The following LRRC37B variants were observed in gnomAD, a reference collection of about 807,000 sequenced individuals.
LRRC37B encodes the protein leucine rich repeat containing 37B.
A neutral mutation model predicts 98.3 loss-of-function variants in LRRC37B; 28 were observed. That is an observed-to-expected ratio of 0.28 (90% confidence interval 0.21 to 0.39). The LOEUF (loss-of-function observed/expected upper bound fraction) is 0.39. Ranked by LOEUF, LRRC37B falls within the 10% of genes least tolerant of loss-of-function variation. The pLI is 1.00. For missense variants in LRRC37B, 938 were observed against 1,182.7 expected (o/e 0.79, Z 3.03); for synonymous variants, 364 against 442.7 (o/e 0.82, Z 2.23).
At chr17:32,013,503 C>T (rs1219662873) in intron 1 of LRRC37B, among the ~76,000 whole-genome samples, 7 of 151,514 alleles carry the variant, frequency 4.6e-5, no homozygotes, top group South Asian at 4.2e-4. Context: ...TTTTTTCTGC[C>T]TACTTTTGGA....
At chr17:32,040,707 G>A (rs1598211281) in intron 7 of LRRC37B, 17 of 782,728 alleles carry the variant, frequency 2.2e-5, no homozygotes, top group South Asian at 1.6e-4. Flanking sequence ...GCTCCTGAGC[G>A]AGTGCCTGAT....
chr17:32,035,066 G>T, intron 6 of LRRC37B, 85 bp downstream of exon 9: 1 of 1,016,362 alleles, frequency 9.8e-7, no homozygotes, highest in Non-Finnish European at 1.4e-6. Flanking sequence ...TTGCATTTAG[G>T]CTAAAAAGTC....
intron 7 of LRRC37B, among the ~76,000 whole-genome samples, chr17:32,036,659 A>G (rs1911252742): frequency 6.6e-6 from 1 of 151,490 alleles, no homozygotes; most frequent in Admixed American, 6.6e-5. Context: ...ACAACTCTTC[A>G]CTCCTTTTTA....
chr17:32,027,495 G>C (rs1445165281), intron 2 of LRRC37B, among the ~76,000 whole-genome samples: 1 of 149,116 alleles, frequency 6.7e-6, no homozygotes, highest in South Asian at 2.1e-4. Flanking sequence ...GTGTGGGTGT[G>C]CTTGTGTGTG....
intron 7 of LRRC37B, among the ~76,000 whole-genome samples, chr17:32,037,835 T>G (rs750932278): frequency 6.6e-6 from 1 of 151,960 alleles, no homozygotes; most frequent in Admixed American, 6.5e-5. Context: ...AGGCCAGGCA[T>G]GGTGGCTCAT....
At position 32,021,933 on chromosome 17, in the gene LRRC37B, G is replaced by C. The variant is rs1404675362; in HGVS notation, c.868G>C (p.Glu290Gln). 4 of 1,614,004 alleles carry C rather than the reference G, an allele frequency of 2.5e-6. No individual in the cohort carries two copies. In the African/African-American group the frequency reaches 5.3e-5, roughly 22 times the overall value. ...AGTTGGACTTTCTCAATTCCATCTAGAGCCCAAAAGTCAAAATCCAGAGAC... is the reference window on the plus strand; with the variant it reads ...AGTTGGACTTTCTCAATTCCATCTACAGCCCAAAAGTCAAAATCCAGAGAC... The change falls in exon 1 of 12, where the codon GAG becomes CAG. Residue 290 changes from glutamate (E) to glutamine (Q), a missense_variant. Glu to Gln is a conservative substitution (Grantham distance 29). Coordinates refer to ENST00000327564, the Ensembl canonical transcript of LRRC37B.
rs55764677 is a variant in LRRC37B, at chr17:32,012,165, C to T, written c.-191+4033C>T. Among the ~76,000 whole-genome samples the T allele has an allele frequency of 5.1e-3, 774 of 152,270 alleles. 6 individuals carry two copies. The highest frequency in any genetic ancestry group is 0.017 in the African/African-American group (717 of 41,554). On this transcript the variant is annotated intron_variant, in intron 1 of 14. Transcript: ENST00000543378. The stretch of plus-strand genomic sequence containing the variant: ...TAATAATTAGGTCAAGTTGGTTGAT[C>T]GTGTTAAGGTCTGCTCTATCCTTGC...
In LRRC37B at chr17:32,013,432, G is replaced by C. The variant is rs576295870; in HGVS notation, c.-190-4540G>C. Among the ~76,000 whole-genome samples, 390 of 152,012 alleles carry C rather than the reference G, an allele frequency of 2.6e-3. 1 individual carries two copies. Among genetic ancestry groups the C allele is most frequent in the South Asian group, 4.4e-3 (21 of 4,808 alleles). ...ATACGATTGATAATGACTGGATTTAGGTTTCCTATTTTATTATTTGTTTTC... is the reference window on the plus strand; with the variant it reads ...ATACGATTGATAATGACTGGATTTACGTTTCCTATTTTATTATTTGTTTTC... On this transcript the variant is annotated intron_variant, in intron 1 of 14. Coordinates refer to the LRRC37B transcript ENST00000543378.
intron 9 of LRRC37B, chr17:32,048,885 A>G: frequency 6.6e-7 from 1 of 1,521,210 alleles, no homozygotes; most frequent in Non-Finnish European, 9.0e-7. Flanking sequence ...AGTGTAAAAG[A>G]CACAACTAAT....
exon 1 of LRRC37B, chr17:32,021,268 C>T (rs1464516775): frequency 1.2e-6 from 2 of 1,613,002 alleles, no homozygotes; most frequent in Non-Finnish European, 1.7e-6. Context: ...ACCTCTAACC[C>T]CCTGGGGCCA....
chr17:32,050,206 C>A (rs200950256), intron 11 of LRRC37B, 99 bp downstream of exon 14: 2 of 729,142 alleles, frequency 2.7e-6, no homozygotes, highest in South Asian at 2.9e-5. Context: ...TCCCACTTGA[C>A]ATTCTTCTTC....
intron 7 of LRRC37B, chr17:32,041,772 A>G (rs1181332839): frequency 2.2e-6 from 1 of 458,102 alleles, no homozygotes; most frequent in African/African-American, 2.0e-5. Context: ...TCCTCACTCC[A>G]TGGCGCCGGC....
intron 7 of LRRC37B, 92 bp from the exon 11 acceptor site, chr17:32,045,608 T>G (rs1173042955): frequency 6.8e-7 from 1 of 1,478,388 alleles, no homozygotes; most frequent in Non-Finnish European, 9.3e-7. Flanking sequence ...TAACACCTCT[T>G]TGCCCAGCCC....
intron 8 of LRRC37B, among the ~76,000 whole-genome samples, chr17:32,046,547 G>A (rs1350052962): frequency 1.3e-5 from 2 of 151,618 alleles, no homozygotes; most frequent in African/African-American, 4.8e-5. Flanking sequence ...ATAATGCTTG[G>A]CTACTTCTAT....
At chr17:32,035,067 C>A in intron 6 of LRRC37B, 86 bp downstream of exon 9, 3 of 1,000,022 alleles carry the variant, frequency 3.0e-6, no homozygotes, top group Non-Finnish European at 4.4e-6. Flanking sequence ...TGCATTTAGG[C>A]TAAAAAGTCA....
intron 11 of LRRC37B, 183 bp from the exon 15 acceptor site, chr17:32,053,083 A>G (rs1911804262): frequency 1.6e-6 from 1 of 608,930 alleles, no homozygotes; most frequent in African/African-American, 1.9e-5. Context: ...GTCCTCTGCA[A>G]GGTAGCAAGG....
chr17:32,017,554 C>T (rs901962182), upstream of LRRC37B, among the ~76,000 whole-genome samples: 1 of 152,166 alleles, frequency 6.6e-6, no homozygotes, highest in African/African-American at 2.4e-5. Flanking sequence ...CCTGAAATCT[C>T]AGCAATTGGG....
chr17:32,039,557 T>G (rs1911363395), intron 7 of LRRC37B, among the ~76,000 whole-genome samples: 1 of 117,802 alleles, frequency 8.5e-6, no homozygotes. Context: ...TATATATATA[T>G]TCTATATATA....
At chr17:32,027,080 T>C (rs1910975300) in intron 2 of LRRC37B, among the ~76,000 whole-genome samples, 2 of 152,144 alleles carry the variant, frequency 1.3e-5, no homozygotes, top group South Asian at 4.1e-4. Flanking sequence ...TTATGTGCAC[T>C]TTACGCACAT....
Sources: gnomAD v4.1 joint callset for allele counts (sites outside exome capture counted in the v4.1 genomes callset) on GRCh38, gnomAD v4.1.1 for gene constraint, MANE v1.5 for transcripts, NCBI Gene and HGNC (gene_info 2026-07-23, HGNC 2026-07-21) for gene names.